COLQ: variants seen among roughly 807,000 people sequenced by gnomAD.
COLQ encodes acetylcholinesterase collagenic tail peptide.
COLQ carries 48 observed loss-of-function variants against 69.0 expected under a neutral mutation model. The observed-to-expected ratio is 0.70, with a 90% CI of 0.55 to 0.88. The LOEUF is 0.88. COLQ is among the 40% of genes least tolerant of loss of function. The probability of loss-of-function intolerance (pLI) is 0.00; values close to 1 mark genes in which losing one functional copy is unlikely to be tolerated. For missense variants in COLQ, 618 were observed against 594.6 expected (o/e 1.04, Z -0.41); for synonymous variants, 217 against 211.2 (o/e 1.03, Z -0.24).
chr3:15,502,620 C>T (rs928651518), intron 1 of COLQ, among the ~76,000 whole-genome samples: 2 of 152,060 alleles, frequency 1.3e-5, no homozygotes, highest in East Asian at 1.9e-4. Flanking sequence ...CACCATATTG[C>T]CCAGGCTGGT....
chr3:15,515,714 G>A (rs376031590), intron 1 of COLQ, among the ~76,000 whole-genome samples: 1 of 152,296 alleles, frequency 6.6e-6, no homozygotes, highest in East Asian at 1.9e-4. Context: ...ACTGAGGCTG[G>A]AGAATTGTTT....
chr3:15,452,609 C>T (rs1277461243), intron 16 of COLQ, among the ~76,000 whole-genome samples: 2 of 152,128 alleles, frequency 1.3e-5, no homozygotes, highest in Non-Finnish European at 2.9e-5. Context: ...TACTCCATAT[C>T]TGATCGTCTA....
At chr3:15,499,007 A>ATTTTAAT in intron 1 of COLQ, 1 of 1,051,266 alleles carries the variant, frequency 9.5e-7, no homozygotes, top group Non-Finnish European at 1.2e-6. Flanking sequence ...TGCTCTGGTA[A>ATTTTAAT]GCCTCAAAGT....
chr3:15,501,391 T>A (rs568158002), intron 1 of COLQ, among the ~76,000 whole-genome samples: 4 of 152,282 alleles, frequency 2.6e-5, no homozygotes, highest in East Asian at 3.9e-4. Flanking sequence ...CTCCCACCAC[T>A]ACCTCACAGA....
chr3:15,474,304 G>A (rs1001516165), intron 8 of COLQ, 32 bp from the exon 9 acceptor site: 58 of 1,608,890 alleles, frequency 3.6e-5, no homozygotes, highest in Non-Finnish European at 4.7e-5. Context: ...AAGTCAATGA[G>A]TTAATATCCT....
intron 1 of COLQ, among the ~76,000 whole-genome samples, chr3:15,518,191 C>A (rs968861079): frequency 3.3e-5 from 5 of 152,158 alleles, no homozygotes; most frequent in African/African-American, 1.2e-4. Flanking sequence ...GGTGATCCAC[C>A]CACCTCAGCC....
Position 15,475,412 on chromosome 3 carries a change from A to T in COLQ, c.528+13T>A. ...CAGAGATCTGGGAACGTCCATTTGGACCCCACACTGACCTTGGAGCCCATT... is the reference window on the plus strand; with the variant it reads ...CAGAGATCTGGGAACGTCCATTTGGTCCCCACACTGACCTTGGAGCCCATT... On this transcript the variant is annotated intron_variant, in intron 7 of 16. Coordinates refer to ENST00000383788, the MANE Select transcript of COLQ (RefSeq NM_005677.4). 1 of 1,587,942 alleles carries T rather than the reference A, an allele frequency of 6.3e-7. No individual in the cohort carries two copies. The highest frequency in any genetic ancestry group is 8.6e-7 in the Non-Finnish European group (1 of 1,165,618).
chr3:15,462,273 G>A lies in COLQ; in HGVS notation c.815-3948C>T, dbSNP rs377197375. ...TCAAACTTCTGACCTCAAGTGATCCGTCCACCTCAGCCTCCCCAAGTGCTA... is the reference window on the plus strand; with the variant it reads ...TCAAACTTCTGACCTCAAGTGATCCATCCACCTCAGCCTCCCCAAGTGCTA... On this transcript the variant is annotated intron_variant, in intron 12 of 16. Transcript: ENST00000383788. Among the ~76,000 whole-genome samples, 8 of 152,058 alleles carry A rather than the reference G, an allele frequency of 5.3e-5. No homozygotes were observed. In the East Asian group the frequency reaches 1.4e-3, roughly 26 times the overall value.
intron 12 of COLQ, among the ~76,000 whole-genome samples, chr3:15,462,430 T>G (rs1194951391): frequency 6.6e-6 from 1 of 152,184 alleles, no homozygotes; most frequent in African/African-American, 2.4e-5. Flanking sequence ...TTTACCTTCT[T>G]CAGCCCGCTC....
At chr3:15,509,910 C>G (rs375326201) in intron 1 of COLQ, among the ~76,000 whole-genome samples, 1 of 152,130 alleles carries the variant, frequency 6.6e-6, no homozygotes, top group Non-Finnish European at 1.5e-5. Flanking sequence ...CGGTGGCTCA[C>G]GCCTGTAATC....
chr3:15,453,061 C>A (rs2061971759), intron 16 of COLQ, among the ~76,000 whole-genome samples: 1 of 152,184 alleles, frequency 6.6e-6, no homozygotes, highest in African/African-American at 2.4e-5. Flanking sequence ...GAACGGCCTC[C>A]CCATTTTCCT....
intron 16 of COLQ, among the ~76,000 whole-genome samples, chr3:15,452,485 G>A (rs903495705): frequency 6.6e-6 from 1 of 152,190 alleles, no homozygotes. Flanking sequence ...ATGATCATCC[G>A]AGACAGGGCG....
chr3:15,505,271 C>A lies in COLQ; in HGVS notation c.107-15634G>T, dbSNP rs1160179279. ...ACTGCAAACCATATAAGAAGTTATTCTCTTCTGTCTCCCACCCCTAACCCA... is the reference window on the plus strand; with the variant it reads ...ACTGCAAACCATATAAGAAGTTATTATCTTCTGTCTCCCACCCCTAACCCA... On this transcript the variant is annotated intron_variant, in intron 1 of 16. Transcript: ENST00000383788. 2.0e-5 allele frequency among the ~76,000 whole-genome samples: 3 copies of A among 152,316 alleles called. No homozygotes were observed. The East Asian group carries it at 5.8e-4, about 29-fold the overall frequency.
chr3:15,461,646 ACT>A (rs978289276), intron 12 of COLQ, among the ~76,000 whole-genome samples: 5 of 151,948 alleles, frequency 3.3e-5, no homozygotes, highest in Non-Finnish European at 5.9e-5. Context: ...CCTGGCTGAC[ACT>A]CACCCATTCT....
intron 11 of COLQ, among the ~76,000 whole-genome samples, chr3:15,466,653 T>TGTC (rs1559516259): frequency 2.0e-5 from 3 of 151,470 alleles, no homozygotes; most frequent in African/African-American, 7.3e-5. Flanking sequence ...TAGTTCTTGC[T>TGTC]CTACAAATGT....
Position 15,454,016 on chromosome 3 carries a change from G to A in COLQ, c.1196-85C>T, listed in dbSNP as rs142726065. Reference sequence around the variant, plus strand: ...GCTTGTAAGGACCATGCGGCCCAAGGGATCCAACCTAAGTGCTGCACCCCT... The same window carrying A: ...GCTTGTAAGGACCATGCGGCCCAAGAGATCCAACCTAAGTGCTGCACCCCT... On this transcript the variant is annotated intron_variant, in intron 15 of 16. Coordinates refer to ENST00000383788, the MANE Select transcript of COLQ (RefSeq NM_005677.4). 2.3e-3 allele frequency: 2,077 copies of A among 915,374 alleles called. 17 individuals carry two copies. The highest frequency in any genetic ancestry group is 0.021 in the Middle Eastern group (74 of 3,564). 56.7% of individuals were successfully genotyped at this position (915,374 alleles called of 1,614,324 possible). A position where few individuals can be genotyped will look rare whatever the true frequency, so the allele number is the denominator to read the frequency against.
rs767033386 is a variant in COLQ at position 15,521,605 on chromosome 3, C to T, written c.21G>A (p.Met7Ile). The change falls in exon 1 of 17, where the codon ATG becomes ATA. Residue 7 changes from methionine (M) to isoleucine (I), a missense_variant. By Grantham distance (10) the Met-to-Ile change is conservative. Transcript: ENST00000383788. The stretch of plus-strand genomic sequence containing the variant: ...AAAGCTGAAGATAAATTCCCAAAGT[C>T]ATTGGATTCAGGACAACCATGCTGG... MVVLNP[M>I]TLGIYLQLFF... The T allele has an allele frequency of 5.6e-6, 9 of 1,614,054 alleles. No homozygotes were observed. Among genetic ancestry groups the T allele is most frequent in the Middle Eastern group, 1.6e-4 (1 of 6,084 alleles).
intron 1 of COLQ, among the ~76,000 whole-genome samples, chr3:15,517,029 C>G (rs1283126982): frequency 1.3e-5 from 2 of 152,134 alleles, no homozygotes; most frequent in African/African-American, 4.8e-5. Flanking sequence ...GTACTCCTAG[C>G]TACTCAAGAG....
intron 1 of COLQ, among the ~76,000 whole-genome samples, chr3:15,496,868 G>A (rs1292577768): frequency 6.6e-6 from 1 of 152,106 alleles, no homozygotes; most frequent in South Asian, 2.1e-4. Flanking sequence ...TTTGGAAAGC[G>A]ATTTTCTCCA....
Sources: allele counts gnomAD v4.1 joint callset (sites outside exome capture counted in the v4.1 genomes callset), GRCh38; gene constraint gnomAD v4.1.1; transcripts MANE v1.5; gene names NCBI Gene and HGNC (gene_info 2026-07-23, HGNC 2026-07-21).